The following AFF4 variants were observed in gnomAD, a reference collection of about 807,000 sequenced individuals.
AFF4 encodes the protein AF4/FMR2 family member 4.
Under a neutral mutation model 124.8 loss-of-function variants are expected in AFF4, and 13 were observed. That is an observed-to-expected ratio of 0.10 (90% confidence interval 0.07 to 0.17). AFF4 has a LOEUF of 0.17. Among genes scored for constraint, AFF4 ranks in the 10% least tolerant of loss-of-function variants. The pLI, the probability that AFF4 is intolerant of heterozygous loss-of-function variation, is 1.00. For missense variants in AFF4, 1,092 were observed against 1,403.8 expected (o/e 0.78, Z 3.55); for synonymous variants, 477 against 496.1 (o/e 0.96, Z 0.51).
At chr5:132,903,627 T>C (rs958678385) in intron 6 of AFF4, among the ~76,000 whole-genome samples, 5 of 152,140 alleles carry the variant, frequency 3.3e-5, no homozygotes, top group Non-Finnish European at 7.4e-5. Flanking sequence ...GGTGAGGGTA[T>C]AGCAGGCAGC....
intron 5 of AFF4, among the ~76,000 whole-genome samples, chr5:132,912,173 C>CAAAAAAAAA (rs1188332109): frequency 3.0e-4 from 19 of 63,922 alleles, no homozygotes; most frequent in Non-Finnish European, 4.0e-4. Context: ...ACTAAAAATA[C>CAAAAAAAAA]AAAAAAAAAA....
At chr5:132,922,243 C>T (rs1761064713) in intron 5 of AFF4, among the ~76,000 whole-genome samples, 1 of 152,088 alleles carries the variant, frequency 6.6e-6, no homozygotes, top group Admixed American at 6.6e-5. Flanking sequence ...TGTGGCAAAA[C>T]CTCGTCTCTA....
intron 1 of AFF4, among the ~76,000 whole-genome samples, chr5:132,941,700 T>C (rs1188556705): frequency 1.3e-5 from 2 of 151,970 alleles, no homozygotes; most frequent in Non-Finnish European, 2.9e-5. Context: ...TGTGGGGTTT[T>C]TTTTCGCACG....
chr5:132,955,328 T>C (rs1213912670), intron 1 of AFF4, among the ~76,000 whole-genome samples: 1 of 152,158 alleles, frequency 6.6e-6, no homozygotes, highest in Non-Finnish European at 1.5e-5. Context: ...TTTAGGGTTA[T>C]GGGTCCAAGC....
chr5:132,905,587 G>C (rs1351116676), intron 5 of AFF4, among the ~76,000 whole-genome samples: 3 of 152,138 alleles, frequency 2.0e-5, no homozygotes, highest in East Asian at 1.9e-4. Context: ...TTTAACAACG[G>C]TGCTGGACAA....
At chr5:132,920,050 T>C (rs1209479388) in intron 5 of AFF4, among the ~76,000 whole-genome samples, 1 of 151,964 alleles carries the variant, frequency 6.6e-6, no homozygotes, top group Non-Finnish European at 1.5e-5. Context: ...TTTTTCTTTT[T>C]CTTTTTTTCT....
At position 132,946,743 on chromosome 5, in the gene AFF4, T is replaced by A. The variant is rs141141968; in HGVS notation, c.-4-9550A>T. ...TGTACAACACTGTGAATGTACTTAA[T>A]GCCACTGAATTGTATATGTAAAATT... is the stretch of plus-strand genomic sequence containing the variant. On this transcript the variant is annotated intron_variant, in intron 1 of 20. Coordinates refer to ENST00000265343, the MANE Select transcript of AFF4 (RefSeq NM_014423.4). Among the ~76,000 whole-genome samples the A allele has an allele frequency of 1.8e-3, 271 of 152,344 alleles. 2 individuals carry two copies. Among genetic ancestry groups the A allele is most frequent in the African/African-American group, 6.3e-3 (261 of 41,586 alleles).
At chr5:132,916,264 AAAG>A (rs1439255954) in intron 5 of AFF4, among the ~76,000 whole-genome samples, 6 of 149,470 alleles carry the variant, frequency 4.0e-5, no homozygotes, top group Admixed American at 6.7e-5. Context: ...AAAAAAAAAA[AAAG>A]AATCACTTAA....
chr5:132,932,148 A>T, intron 4 of AFF4, 30 bp downstream of exon 4: 1 of 1,550,098 alleles, frequency 6.5e-7, no homozygotes, highest in Non-Finnish European at 8.8e-7. Context: ...AAATTAAAGA[A>T]ATTGAAATGA....
chr5:132,915,671 G>A lies in AFF4; in HGVS notation c.1051-11267C>T, dbSNP rs553779391. On this transcript the variant is annotated intron_variant, in intron 5 of 20. Coordinates refer to ENST00000265343, the MANE Select transcript of AFF4 (RefSeq NM_014423.4). ...CAACCTCCACCTCCCAGGTTCAAGC[G>A]ATTCTCCTGCCTCAGCCTCCTGGGT... Among the ~76,000 whole-genome samples, 10 of 148,966 alleles carry A rather than the reference G, an allele frequency of 6.7e-5. No individual in the cohort carries two copies. The South Asian group carries it at 1.5e-3, about 22-fold the overall frequency.
Position 132,952,452 on chromosome 5 carries a change from A to G in AFF4, c.-5+10807T>C, listed in dbSNP as rs528832336. Among the ~76,000 whole-genome samples, 5 of 152,336 alleles carry G rather than the reference A, an allele frequency of 3.3e-5. No individual in the cohort carries two copies. The East Asian group carries it at 9.6e-4, about 29-fold the overall frequency. ...CCTTGATATACTCTTTGGCTTCTGT[A>G]ACACTTAGCCTTCCCAGCTTCCCCA... On this transcript the variant is annotated intron_variant, in intron 1 of 20. Coordinates refer to ENST00000265343, the MANE Select transcript of AFF4 (RefSeq NM_014423.4).
intron 1 of AFF4, among the ~76,000 whole-genome samples, chr5:132,938,133 G>A (rs1285436342): frequency 1.3e-5 from 2 of 151,548 alleles, no homozygotes. Context: ...AAGGCTCACT[G>A]GAGCCCAGAA....
intron 5 of AFF4, among the ~76,000 whole-genome samples, chr5:132,913,831 T>C (rs1379000653): frequency 6.6e-6 from 1 of 152,212 alleles, no homozygotes; most frequent in Non-Finnish European, 1.5e-5. Flanking sequence ...TCATACAATG[T>C]ATGCTTCATG....
rs781350455 is a variant in AFF4 at position 132,883,569 on chromosome 5, C to T, written c.3144-9G>A. On this transcript the variant is annotated splice_polypyrimidine_tract_variant and intron_variant, in intron 19 of 20. Coordinates refer to ENST00000265343, the MANE Select transcript of AFF4 (RefSeq NM_014423.4). The stretch of plus-strand genomic sequence containing the variant: ...GCATCCCCACAGCTTTGCTACACAA[C>T]AGAAATAGGAAGCTTGTTCATATGG... 1.9e-6 allele frequency: 3 copies of T among 1,612,288 alleles called. No individual in the cohort carries two copies. Among genetic ancestry groups the T allele is most frequent in the Non-Finnish European group, 2.5e-6 (3 of 1,179,394 alleles).
At chr5:132,907,159 C>T (rs1392254355) in intron 5 of AFF4, among the ~76,000 whole-genome samples, 1 of 152,168 alleles carries the variant, frequency 6.6e-6, no homozygotes, top group East Asian at 1.9e-4. Flanking sequence ...ACCGGAAAGA[C>T]TTCAGGTCTT....
Position 132,876,684 on chromosome 5 carries a change from A to G in AFF4, c.*4375T>C, listed in dbSNP as rs1488802051. 1.0e-5 allele frequency: 2 copies of G among 197,856 alleles called. No homozygotes were observed. Among genetic ancestry groups the G allele is most frequent in the Non-Finnish European group, 2.1e-5 (2 of 95,544 alleles). 12.3% of individuals were successfully genotyped at this position (197,856 alleles called of 1,614,324 possible). A position where few individuals can be genotyped will look rare whatever the true frequency, so the allele number is the denominator to read the frequency against. On this transcript the variant is annotated 3_prime_UTR_variant, in exon 21 of 21. Coordinates refer to ENST00000265343, the MANE Select transcript of AFF4 (RefSeq NM_014423.4). ...ACCAAATTACATGAAAAGAAGATAC[A>G]TAGTTATTATTTCCATTCCCTTTTC...
chr5:132,898,585 G>A (rs1760471217), intron 9 of AFF4, among the ~76,000 whole-genome samples, 193 bp from the exon 10 acceptor site: 1 of 152,004 alleles, frequency 6.6e-6, no homozygotes, highest in African/African-American at 2.4e-5. Flanking sequence ...CCAGGTTCAA[G>A]CAATTCTCCT....
At chr5:132,886,957 T>C (rs1482749062) in intron 17 of AFF4, among the ~76,000 whole-genome samples, 1 of 152,240 alleles carries the variant, frequency 6.6e-6, no homozygotes, top group Non-Finnish European at 1.5e-5. Context: ...TACAGTTACA[T>C]ATACTTTTCT....
At chr5:132,923,590 G>A (rs1761104172) in intron 5 of AFF4, among the ~76,000 whole-genome samples, 2 of 152,108 alleles carry the variant, frequency 1.3e-5, no homozygotes, top group South Asian at 2.1e-4. Context: ...TGGCATGGTG[G>A]TAAGCACCTG....
Sources: allele counts gnomAD v4.1 joint callset (sites outside exome capture counted in the v4.1 genomes callset), GRCh38; gene constraint gnomAD v4.1.1; transcripts MANE v1.5; gene names NCBI Gene and HGNC (gene_info 2026-07-23, HGNC 2026-07-21).